Variants in RIOK1 observed in about 807,000 individuals in gnomAD.
RIOK1 encodes the protein serine/threonine-protein kinase RIO1.
A neutral mutation model predicts 73.5 loss-of-function variants in RIOK1; 66 were observed. The observed-to-expected ratio is 0.90, with a 90% CI of 0.74 to 1.10. RIOK1 has a LOEUF of 1.10. Among genes scored for constraint, RIOK1 ranks in the 50% least tolerant of loss-of-function variants. The probability of loss-of-function intolerance (pLI) is 0.00; values close to 1 mark genes in which losing one functional copy is unlikely to be tolerated. For missense variants in RIOK1, 658 were observed against 699.8 expected (o/e 0.94, Z 0.67); for synonymous variants, 224 against 226.8 (o/e 0.99, Z 0.11).
intron 10 of RIOK1, 66 bp downstream of exon 10, chr6:7,404,621 A>G (rs1761698945): frequency 6.4e-7 from 1 of 1,560,566 alleles, no homozygotes; most frequent in Non-Finnish European, 8.8e-7. Context: ...ATGATAAACA[A>G]AATCCCAATC....
intron 12 of RIOK1, among the ~76,000 whole-genome samples, chr6:7,406,700 C>CA (rs2113520047): frequency 6.6e-6 from 1 of 152,268 alleles, no homozygotes; most frequent in East Asian, 1.9e-4. Context: ...CTCACTCTGT[C>CA]ACCAGGCTAG....
chr6:7,396,197 G>A (rs1391107400), intron 3 of RIOK1, among the ~76,000 whole-genome samples: 1 of 152,134 alleles, frequency 6.6e-6, no homozygotes, highest in Non-Finnish European at 1.5e-5. Context: ...AGGGATGGAG[G>A]GAAGGAAGGA....
At chr6:7,410,237 C>T in intron 12 of RIOK1, 149 bp from the exon 13 acceptor site, 1 of 600,982 alleles carries the variant, frequency 1.7e-6, no homozygotes, top group East Asian at 2.8e-5. Context: ...GGAAAGCTAA[C>T]TTGTACCATT....
chr6:7,406,772 A>G (rs1015502901), intron 12 of RIOK1, among the ~76,000 whole-genome samples: 1 of 150,948 alleles, frequency 6.6e-6, no homozygotes, highest in Non-Finnish European at 1.5e-5. Context: ...CAATTCTACC[A>G]CCCTGGCCTC....
intron 1 of RIOK1, among the ~76,000 whole-genome samples, chr6:7,390,934 T>C (rs1396357280): frequency 1.3e-5 from 2 of 152,100 alleles, no homozygotes; most frequent in Non-Finnish European, 2.9e-5. Flanking sequence ...AGTTCAAAAA[T>C]AATAAGGTAA....
At chr6:7,398,102 A>C (rs1761520787) in intron 4 of RIOK1, among the ~76,000 whole-genome samples, 2 of 152,244 alleles carry the variant, frequency 1.3e-5, no homozygotes, top group South Asian at 4.1e-4. Context: ...AGATCGTGCC[A>C]CTGCACTCCA....
intron 3 of RIOK1, among the ~76,000 whole-genome samples, chr6:7,395,525 A>AG (rs1442210620): frequency 6.6e-6 from 1 of 151,886 alleles, no homozygotes; most frequent in Non-Finnish European, 1.5e-5. Context: ...AAAAAAAAAA[A>AG]AAAGAAAAAA....
chr6:7,405,094 G>A (rs562045757), intron 11 of RIOK1, 73 bp downstream of exon 11: 42 of 1,340,744 alleles, frequency 3.1e-5, no homozygotes, highest in Middle Eastern at 1.8e-4. Flanking sequence ...AGCTGTTGGC[G>A]TAAAATTTTC....
At chr6:7,408,462 G>A (rs1180975600) in intron 12 of RIOK1, among the ~76,000 whole-genome samples, 2 of 152,170 alleles carry the variant, frequency 1.3e-5, no homozygotes, top group East Asian at 3.8e-4. Flanking sequence ...AAGCTCTCTG[G>A]AGGGGTATTT....
Position 7,404,920 on chromosome 6 carries a change from A to C in RIOK1, c.995A>C (p.Tyr332Ser). Residue 332 changes from tyrosine to serine, a missense_variant and splice_region_variant, in exon 11 of 17, where the codon TAC becomes TCC. Tyr to Ser is a moderately radical substitution (Grantham distance 144, BLOSUM62 -2). Transcript: ENST00000379834. Reference protein sequence around the residue: ...HADLSEFNMLYHGGGVYIIDV... With the variant: ...HADLSEFNMLSHGGGVYIIDV... ...GCTTCTGTGTCTCTGGCCCATAGGT[A>C]CCACGGTGGAGGCGTGTATATCATT... 1 of 1,612,850 alleles carries C rather than the reference A, an allele frequency of 6.2e-7. No individual in the cohort carries two copies.
chr6:7,397,957 A>C lies in RIOK1; in HGVS notation c.438-741A>C, dbSNP rs545684078. Among the ~76,000 whole-genome samples, 15 of 152,258 alleles carry C rather than the reference A, an allele frequency of 9.9e-5. No homozygotes were observed. The South Asian group carries it at 2.7e-3, about 27-fold the overall frequency. On this transcript the variant is annotated intron_variant, in intron 4 of 16. Transcript: ENST00000379834. ...GAGATCGAGACCATCTTGGCTAACAAGGTGAAATCCTGTCTCTACTAAAAA... is the reference window on the plus strand; with the variant it reads ...GAGATCGAGACCATCTTGGCTAACACGGTGAAATCCTGTCTCTACTAAAAA...
intron 8 of RIOK1, among the ~76,000 whole-genome samples, chr6:7,403,497 C>T (rs1761664179): frequency 6.6e-6 from 1 of 152,200 alleles, no homozygotes; most frequent in Admixed American, 6.5e-5. Context: ...ATGGTGTACA[C>T]AGGTGACACA....
chr6:7,403,088 GT>G (rs1340542047), intron 8 of RIOK1, among the ~76,000 whole-genome samples, 191 bp downstream of exon 8: 1 of 152,132 alleles, frequency 6.6e-6, no homozygotes, highest in Non-Finnish European at 1.5e-5. Flanking sequence ...CTATTCTGTT[GT>G]TTTCTATTCT....
In RIOK1 at chr6:7,393,149, A is replaced by G; in HGVS notation, c.122A>G (p.Glu41Gly). ...AAAGAGAAGGATGACATTCTGTTTG[A>G]AGACCTTCAAGACAATGTGAATGAG... ...TVKEKDDILF[E>G]DLQDNVNENG... The change falls in exon 2 of 17, where the codon GAA becomes GGA. Residue 41 changes from glutamate to glycine, a missense_variant. Transcript: ENST00000379834. 6.2e-7 allele frequency: 1 copy of G among 1,613,882 alleles called. No individual in the cohort carries two copies. The highest frequency in any genetic ancestry group is 8.5e-7 in the Non-Finnish European group (1 of 1,179,758).
chr6:7,396,036 CATA>C (rs1307364658), intron 3 of RIOK1, among the ~76,000 whole-genome samples: 2 of 152,102 alleles, frequency 1.3e-5, no homozygotes, highest in Non-Finnish European at 2.9e-5. Flanking sequence ...AGGGTTATCT[CATA>C]GTAGGATGTT....
rs1394840623 is a variant in RIOK1, at chr6:7,393,226, G to C, written c.199G>C (p.Asp67His). The change falls in exon 2 of 17, where the codon GAT (aspartate) becomes CAT (histidine). Residue 67 changes from aspartate (D) to histidine (H), a missense_variant. Asp to His is a moderately conservative substitution (Grantham distance 81, BLOSUM62 -1). Transcript: ENST00000379834. ...DEEEEGYDDD[D>H]DDWDWDEGVG... ...GGAGGAGGAGGGTTATGACGATGAT[G>C]ATGATGACTGGGACTGGGATGAAGG... 2 of 1,613,952 alleles carry C rather than the reference G, an allele frequency of 1.2e-6. No individual in the cohort carries two copies. Among genetic ancestry groups the C allele is most frequent in the African/African-American group, 1.3e-5 (1 of 75,034 alleles).
chr6:7,393,843 T>G (rs897321671), intron 2 of RIOK1, among the ~76,000 whole-genome samples: 4 of 152,096 alleles, frequency 2.6e-5, no homozygotes, highest in African/African-American at 9.7e-5. Flanking sequence ...CCAGGATTGT[T>G]TATGGTAGAG....
At chr6:7,411,644 G>A (rs1761885272) in intron 14 of RIOK1, 193 bp downstream of exon 14, 1 of 531,642 alleles carries the variant, frequency 1.9e-6, no homozygotes, top group East Asian at 3.4e-5. Context: ...TATGAGAGGA[G>A]GTAACACATT....
chr6:7,417,362 G>A lies in RIOK1; in HGVS notation c.1628G>A (p.Arg543Lys). The stretch of plus-strand genomic sequence containing the variant: ...AAAAAGATGGTCAAGGAAGCCCAGA[G>A]AGAGAAAAGAAAAAACAAAATTCCT... ...ERKKMVKEAQREKRKNKIPKH... is the reference protein window; with the variant it reads ...ERKKMVKEAQKEKRKNKIPKH... The change falls in exon 17 of 17, where the codon AGA becomes AAA. Residue 543 changes from arginine to lysine, a missense_variant. Arg to Lys is a conservative substitution (Grantham distance 26). Transcript: ENST00000379834. 6.4e-7 allele frequency: 1 copy of A among 1,562,618 alleles called. No homozygotes were observed. The highest frequency in any genetic ancestry group is 8.7e-7 in the Non-Finnish European group (1 of 1,154,100).
Sources: allele counts gnomAD v4.1 joint callset (sites outside exome capture counted in the v4.1 genomes callset), GRCh38; gene constraint gnomAD v4.1.1; transcripts MANE v1.5; gene names NCBI Gene and HGNC (gene_info 2026-07-23, HGNC 2026-07-21).